IFT122: variants seen among roughly 807,000 people sequenced by gnomAD.
The protein encoded by IFT122 is intraflagellar transport protein 122 homolog.
Under a neutral mutation model 161.6 loss-of-function variants are expected in IFT122, and 118 were observed. The ratio of observed to expected loss-of-function variants is 0.73; its 90% CI spans 0.63 to 0.85. The LOEUF (loss-of-function observed/expected upper bound fraction) is 0.85. Among genes scored for constraint, IFT122 ranks in the 40% least tolerant of loss-of-function variants. IFT122 has a pLI of 0.00. For missense variants in IFT122, 1,381 were observed against 1,579.6 expected, an observed-to-expected ratio of 0.87 and a Z score of 2.13; for synonymous variants, 550 against 602.4, an observed-to-expected ratio of 0.91 and a Z score of 1.27.
Position 129,478,127 on chromosome 3 carries a change from C to A in IFT122, c.1259C>A (p.Ser420Ter). The change falls in exon 12 of 30, where the codon TCA becomes TAA. Residue 420 changes from serine to a stop codon, truncating the protein, a stop_gained. Coordinates refer to ENST00000348417, the MANE Select transcript of IFT122 (RefSeq NM_052989.3). LOFTEE classifies it high-confidence loss of function. ...LIYELYSEDL[S>*]DMHYRVKEKI... ...TATGAGTTGTATTCAGAGGACTTAT[C>A]AGACATGCATTACCGGGTAAAGGAG... 2 of 1,614,150 alleles carry A rather than the reference C, an allele frequency of 1.2e-6. No individual in the cohort carries two copies. The highest frequency in any genetic ancestry group is 1.7e-6 in the Non-Finnish European group (2 of 1,179,970).
At chr3:129,514,230 C>T in intron 24 of IFT122, 159 bp from the exon 25 acceptor site, 1 of 781,328 alleles carries the variant, frequency 1.3e-6, no homozygotes, top group Admixed American at 2.0e-5. Flanking sequence ...GAAGTACACT[C>T]ACCTCTCACA....
chr3:129,507,945 T>C (rs2082356954), intron 23 of IFT122, among the ~76,000 whole-genome samples, 183 bp downstream of exon 23: 1 of 152,244 alleles, frequency 6.6e-6, no homozygotes. Flanking sequence ...TTGTCTGCCA[T>C]GCATCAAGCA....
intron 7 of IFT122, among the ~76,000 whole-genome samples, chr3:129,465,073 G>A (rs1040885982): frequency 7.9e-5 from 12 of 151,622 alleles, no homozygotes; most frequent in Admixed American, 4.6e-4. Context: ...GTGTGTCTGC[G>A]CACATGTGCA....
At chr3:129,515,161 T>C (rs2083331166) in intron 25 of IFT122, 1 of 484,032 alleles carries the variant, frequency 2.1e-6, no homozygotes, top group Non-Finnish European at 3.8e-6. Flanking sequence ...GTCCACGTGC[T>C]CCGCACGGTG....
intron 15 of IFT122, among the ~76,000 whole-genome samples, chr3:129,487,216 A>C (rs78331879): frequency 0.046 from 6,973 of 152,280 alleles, 499 homozygotes; most frequent in African/African-American, 0.16. Context: ...GGCCTAAAAC[A>C]AGGGCAAGGC....
At chr3:129,515,683 T>C (rs922289322) in intron 26 of IFT122, 84 bp downstream of exon 26, 1 of 1,254,434 alleles carries the variant, frequency 8.0e-7, no homozygotes, top group African/African-American at 1.5e-5. Context: ...CTCAGGACGT[T>C]GGGCAAGGGC....
chr3:129,519,045 G>C lies in IFT122; in HGVS notation c.3392-62G>C, dbSNP rs1038698747. 4.3e-6 allele frequency: 6 copies of C among 1,389,378 alleles called. No homozygotes were observed. In the Admixed American group the frequency reaches 8.4e-5, roughly 19 times the overall value. The allele number at this position is 1,389,378 out of a possible 1,614,324, so 86.1% of individuals were successfully genotyped here. ...TTGAGTCTTCTCACAGGGGTGTAGG[G>C]TGGAGGCTAGGGTCTGTCTCCATCT... is the stretch of plus-strand genomic sequence containing the variant. On this transcript the variant is annotated intron_variant, in intron 27 of 29. Coordinates refer to ENST00000348417, the MANE Select transcript of IFT122 (RefSeq NM_052989.3).
At chr3:129,480,054 G>A in intron 13 of IFT122, 132 bp downstream of exon 13, 2 of 1,156,254 alleles carry the variant, frequency 1.7e-6, no homozygotes, top group South Asian at 2.5e-5. Context: ...TGAATTGTGG[G>A]GCAGCCTGAG....
intron 14 of IFT122, among the ~76,000 whole-genome samples, chr3:129,482,116 G>T (rs931062401): frequency 1.3e-5 from 2 of 152,262 alleles, no homozygotes; most frequent in African/African-American, 4.8e-5. Context: ...TACAGCGTGG[G>T]AAGGAAACAG....
At chr3:129,450,713 GTTTTTTTTTTTT>G (rs747032492) in intron 2 of IFT122, among the ~76,000 whole-genome samples, 9 of 80,966 alleles carry the variant, frequency 1.1e-4, no homozygotes, top group African/African-American at 1.9e-4. Context: ...GTGTGTGTGT[GTTTTTTTTTTTT>G]TTTTTTTTTT....
At chr3:129,481,191 G>A (rs552859463) in intron 13 of IFT122, among the ~76,000 whole-genome samples, 19 of 152,138 alleles carry the variant, frequency 1.2e-4, no homozygotes, top group Admixed American at 3.9e-4. Flanking sequence ...GTGTTAGTTC[G>A]TGACTCAGAT....
In IFT122 at chr3:129,464,748, C is replaced by A. The variant is rs770572794; in HGVS notation, c.530C>A (p.Ser177Ter). The A allele has an allele frequency of 6.2e-7, 1 of 1,613,980 alleles. No homozygotes were observed. ...VKIERPGGSL[S>*]PIWSICWNPS... ...ATCGAGCGGCCGGGGGGCTCCCTCT[C>A]GCCAATATGGTCCATCTGCTGGAAC... The change falls in exon 7 of 30, where the codon TCG (serine) becomes TAG (stop). Residue 177 changes from serine (S) to a stop codon, truncating the protein, a stop_gained. Transcript: ENST00000348417. LOFTEE classifies it high-confidence loss of function.
chr3:129,500,590 A>G (rs1447118478), intron 19 of IFT122, among the ~76,000 whole-genome samples: 1 of 152,100 alleles, frequency 6.6e-6, no homozygotes, highest in Admixed American at 6.5e-5. Context: ...TATGGGAGGA[A>G]CCATGGATAT....
chr3:129,449,768 C>T (rs965362146), intron 1 of IFT122, 103 bp from the exon 2 acceptor site: 27 of 827,812 alleles, frequency 3.3e-5, no homozygotes, highest in Non-Finnish European at 5.4e-5. Context: ...CTCCTCAGTA[C>T]ACACACAGTG....
At chr3:129,483,840 G>C (rs1486483941) in intron 15 of IFT122, 158 bp downstream of exon 15, 4 of 765,984 alleles carry the variant, frequency 5.2e-6, no homozygotes, top group Non-Finnish European at 9.1e-6. Flanking sequence ...CTGCCGCCCT[G>C]TCTCCACTCC....
chr3:129,446,298 C>T (rs1174607940), intron 1 of IFT122, among the ~76,000 whole-genome samples: 2 of 151,680 alleles, frequency 1.3e-5, no homozygotes, highest in African/African-American at 4.9e-5. Flanking sequence ...GATCTCAGCT[C>T]ACTGCAAGCT....
intron 17 of IFT122, 60 bp downstream of exon 17, chr3:129,492,254 G>A: frequency 1.5e-6 from 2 of 1,318,778 alleles, no homozygotes; most frequent in Non-Finnish European, 1.1e-6. Context: ...TGTTTTAGGG[G>A]CAGCCCTTCT....
At chr3:129,507,842 C>A in intron 23 of IFT122, 80 bp downstream of exon 23, 1 of 1,069,022 alleles carries the variant, frequency 9.4e-7, no homozygotes, top group Non-Finnish European at 1.5e-6. Context: ...GAGCAGCAGA[C>A]TGGATGGAAT....
rs2084086283 is a variant in IFT122, at chr3:129,517,320, CACAT to C, written c.3266-145_3266-142del. Reference sequence around the variant, plus strand: ...CACACACAGAGACTGCTCCTGCACACACATACAGAGACTGCCCCTGCTGCCTCTT... The same window carrying C: ...CACACACAGAGACTGCTCCTGCACACACAGAGACTGCCCCTGCTGCCTCTT... On this transcript the variant is annotated intron_variant, in intron 26 of 29. Coordinates refer to ENST00000348417, the MANE Select transcript of IFT122 (RefSeq NM_052989.3). 11 of 910,724 alleles carry C rather than the reference CACAT, an allele frequency of 1.2e-5. No homozygotes were observed. The Admixed American group carries it at 1.4e-4, about 12-fold the overall frequency. 56.4% of individuals were successfully genotyped at this position (910,724 alleles called of 1,614,324 possible). A position where few individuals can be genotyped will look rare whatever the true frequency, so the allele number is the denominator to read the frequency against.
Sources: gnomAD v4.1 joint callset for allele counts (sites outside exome capture counted in the v4.1 genomes callset) on GRCh38, gnomAD v4.1.1 for gene constraint, MANE v1.5 for transcripts, NCBI Gene and HGNC (gene_info 2026-07-23, HGNC 2026-07-21) for gene names.